The following MYO1E variants were observed in gnomAD, a reference collection of about 807,000 sequenced individuals.
MYO1E encodes unconventional myosin-Ie.
A neutral mutation model predicts 151.1 loss-of-function variants in MYO1E; 68 were observed. That is an observed-to-expected ratio of 0.45 (90% CI 0.37 to 0.55). The LOEUF (loss-of-function observed/expected upper bound fraction) is 0.55, where lower values mean the gene tolerates loss of function less well. Ranked by LOEUF, MYO1E falls within the 20% of genes least tolerant of loss-of-function variation. MYO1E has a pLI of 0.00. For synonymous variants in MYO1E, 601 were observed against 501.7 expected (o/e 1.20, Z -2.64); for missense variants, 1,363 against 1,389.3 (o/e 0.98, Z 0.30).
intron 26 of MYO1E, among the ~76,000 whole-genome samples, chr15:59,142,370 C>T (rs369775789): frequency 7.9e-5 from 12 of 152,206 alleles, no homozygotes; most frequent in African/African-American, 2.6e-4. Context: ...TGAAGGACTC[C>T]CCTCGCCAGG....
In MYO1E at chr15:59,261,439, A is replaced by T; in HGVS notation, c.218T>A (p.Ile73Asn). 6.2e-7 allele frequency: 1 copy of T among 1,609,578 alleles called. No homozygotes were observed. Among genetic ancestry groups the T allele is most frequent in the Non-Finnish European group, 8.5e-7 (1 of 1,176,094 alleles). Reference protein sequence around the residue: ...KQMPYFGEKEIEMYQGAAQYE... With the variant: ...KQMPYFGEKENEMYQGAAQYE... ...ACTTACCGCTCCTTGGTACATTTCA[A>T]TTTCCTTTTCCCCAAAATATGGCAT... Residue 73 changes from isoleucine to asparagine, a missense_variant, in exon 3 of 28, where the codon ATT becomes AAT. By Grantham distance (149) the Ile-to-Asn change is moderately radical. Coordinates refer to ENST00000288235, the MANE Select transcript of MYO1E (RefSeq NM_004998.4).
chr15:59,234,526 T>A (rs2080050217), intron 5 of MYO1E, among the ~76,000 whole-genome samples: 1 of 152,250 alleles, frequency 6.6e-6, no homozygotes, highest in Middle Eastern at 3.4e-3. Context: ...CACTATTTAA[T>A]TAATAGAAAG....
intron 1 of MYO1E, among the ~76,000 whole-genome samples, chr15:59,353,795 G>A (rs1485572546): frequency 1.3e-5 from 2 of 150,654 alleles, no homozygotes; most frequent in African/African-American, 4.9e-5. Flanking sequence ...AAAACGCAAA[G>A]GTAAAGAAAC....
In MYO1E at chr15:59,214,690, C is replaced by T. The variant is rs369998755; in HGVS notation, c.1138G>A (p.Glu380Lys). Reference protein sequence around the residue: ...SINKAMEKDHEEYNIGVLDIY... With the variant: ...SINKAMEKDHKEYNIGVLDIY... ...TCTAGGACGCCAATGTTGTATTCTTCATGGTCTTTCTCCATGGCTTTATTG... is the reference window on the plus strand; with the variant it reads ...TCTAGGACGCCAATGTTGTATTCTTTATGGTCTTTCTCCATGGCTTTATTG... The change falls in exon 11 of 28, where the codon GAA becomes AAA. Residue 380 changes from glutamate to lysine, a missense_variant. Glu to Lys is a moderately conservative substitution (Grantham distance 56). Transcript: ENST00000288235. 2.0e-5 allele frequency: 33 copies of T among 1,613,762 alleles called. No individual in the cohort carries two copies. The highest frequency in any genetic ancestry group is 2.8e-5 in the Non-Finnish European group (33 of 1,179,760).
intron 22 of MYO1E, among the ~76,000 whole-genome samples, chr15:59,168,492 C>T (rs2079574196): frequency 6.6e-6 from 1 of 152,074 alleles, no homozygotes; most frequent in African/African-American, 2.4e-5. Flanking sequence ...CTGCAGTGAG[C>T]CGAGATTGCG....
rs772569681 is a variant in MYO1E at position 59,174,101 on chromosome 15, C to A, written c.2164+25G>T. ...ATTTACTCTTCAGATTTATTAAAATCAATGAAACAAAATTGCTAAAATACC... is the reference window on the plus strand; with the variant it reads ...ATTTACTCTTCAGATTTATTAAAATAAATGAAACAAAATTGCTAAAATACC... On this transcript the variant is annotated intron_variant, in intron 20 of 27. Transcript: ENST00000288235. The A allele has an allele frequency of 5.0e-6, 8 of 1,588,998 alleles. No homozygotes were observed. The South Asian group carries it at 6.6e-5, about 13-fold the overall frequency.
At position 59,227,473 on chromosome 15, in the gene MYO1E, G is replaced by A. The variant is rs1440502137; in HGVS notation, c.628C>T (p.His210Tyr). Reference sequence around the variant, plus strand: ...AACAGGAAAACCTGGTAAAATATGTGAAAACTCCGCTCTCCTGGGTTCCTC... The same window carrying A: ...AACAGGAAAACCTGGTAAAATATGTAAAAACTCCGCTCTCCTGGGTTCCTC... The part of the protein sequence containing the change: ...VMRNPGERSF[H>Y]IFYQLIEGAS... Residue 210 changes from histidine to tyrosine, a missense_variant, in exon 7 of 28, where the codon CAC becomes TAC. Transcript: ENST00000288235. The A allele has an allele frequency of 6.2e-7, 1 of 1,614,028 alleles. No homozygotes were observed. The highest frequency in any genetic ancestry group is 8.5e-7 in the Non-Finnish European group (1 of 1,180,016).
chr15:59,259,058 A>G (rs749227469), intron 3 of MYO1E, among the ~76,000 whole-genome samples: 9 of 151,918 alleles, frequency 5.9e-5, no homozygotes, highest in Non-Finnish European at 4.4e-5. Flanking sequence ...TGGCTTCCCA[A>G]TGTGCTGGGA....
intron 18 of MYO1E, among the ~76,000 whole-genome samples, chr15:59,180,142 C>A (rs1271467356): frequency 3.3e-5 from 5 of 152,192 alleles, no homozygotes; most frequent in East Asian, 3.8e-4. Flanking sequence ...AGAGGTAAAT[C>A]CTCCTATTCC....
chr15:59,266,454 G>A (rs1424820576), intron 2 of MYO1E, among the ~76,000 whole-genome samples: 2 of 152,010 alleles, frequency 1.3e-5, no homozygotes, highest in East Asian at 3.9e-4. Flanking sequence ...GCCTGCCCGT[G>A]GATCTATCAG....
At chr15:59,215,728 A>AATTAGGATCACTTATATG (rs1370428697) in intron 10 of MYO1E, among the ~76,000 whole-genome samples, 3 of 152,226 alleles carry the variant, frequency 2.0e-5, no homozygotes, top group Non-Finnish European at 4.4e-5. Flanking sequence ...TCCCACCTCA[A>AATTAGGATCACTTATATG]ATTAGGATCA....
chr15:59,345,133 C>T (rs2080786785), intron 1 of MYO1E, among the ~76,000 whole-genome samples: 3 of 152,004 alleles, frequency 2.0e-5, no homozygotes, highest in Admixed American at 2.0e-4. Flanking sequence ...ACTTCAGAAG[C>T]CACAGCAGAT....
At position 59,207,188 on chromosome 15, in the gene MYO1E, C is replaced by A. The variant is rs139393217; in HGVS notation, c.1530+1493G>T. ...ATAGGAACTGGATCGGTGGGCATGG[C>A]CTGCGCTATCAGCATCTTATTAAAA... is the stretch of plus-strand genomic sequence containing the variant. On this transcript the variant is annotated intron_variant, in intron 14 of 27. Coordinates refer to ENST00000288235, the MANE Select transcript of MYO1E (RefSeq NM_004998.4). The A allele has an allele frequency of 5.3e-5, 86 of 1,614,184 alleles. No homozygotes were observed. In the African/African-American group the frequency reaches 9.5e-4, roughly 18 times the overall value.
intron 26 of MYO1E, among the ~76,000 whole-genome samples, chr15:59,151,800 C>T (rs889219906): frequency 5.9e-5 from 9 of 152,094 alleles, no homozygotes; most frequent in African/African-American, 2.2e-4. Flanking sequence ...TTAATTCCAG[C>T]ACTTTGGGAG....
intron 4 of MYO1E, among the ~76,000 whole-genome samples, 183 bp from the exon 5 acceptor site, chr15:59,236,855 C>T (rs1364093047): frequency 6.6e-6 from 1 of 152,102 alleles, no homozygotes; most frequent in Non-Finnish European, 1.5e-5. Flanking sequence ...ATTAGGTCGC[C>T]CATGTGACCC....
intron 17 of MYO1E, among the ~76,000 whole-genome samples, chr15:59,192,866 C>G (rs1350424977): frequency 6.6e-6 from 1 of 151,886 alleles, no homozygotes; most frequent in Non-Finnish European, 1.5e-5. Context: ...GGTGGGTGTA[C>G]AAGTGTGGGT....
chr15:59,172,125 G>C (rs2079599008), intron 21 of MYO1E, 83 bp from the exon 22 acceptor site: 4 of 1,508,970 alleles, frequency 2.7e-6, no homozygotes, highest in Non-Finnish European at 3.6e-6. Flanking sequence ...CGGAGGCCGA[G>C]GCGGGTGAAT....
rs150735139 is a variant in MYO1E, at chr15:59,202,384, G to A, written c.1640C>T (p.Pro547Leu). The A allele has an allele frequency of 2.1e-4, 336 of 1,613,882 alleles. No homozygotes were observed. Among genetic ancestry groups the A allele is most frequent in the Non-Finnish European group, 2.7e-4 (313 of 1,179,936 alleles). ...TTTCTTGTCAGCCTGCAGATTTTCC[G>A]GAAATAAAGACTTTATGAAAGGCCT... ...SELPFIKSLF[P>L]ENLQADKKGR... Residue 547 changes from proline (P) to leucine (L), a missense_variant, in exon 16 of 28, where the codon CCG becomes CTG. Pro to Leu is a moderately conservative substitution (Grantham distance 98). Transcript: ENST00000288235.
At chr15:59,359,664 C>T (rs1314317833) in intron 1 of MYO1E, 3 of 152,154 alleles carry the variant, frequency 2.0e-5, no homozygotes, top group African/African-American at 7.3e-5. Flanking sequence ...ATATTATTTT[C>T]CATAGCCATT....
Sources: gnomAD v4.1 joint callset for allele counts (sites outside exome capture counted in the v4.1 genomes callset) on GRCh38, gnomAD v4.1.1 for gene constraint, MANE v1.5 for transcripts, NCBI Gene and HGNC (gene_info 2026-07-23, HGNC 2026-07-21) for gene names.